GC: variants seen among roughly 807,000 people sequenced by gnomAD.
GC encodes the protein vitamin D-binding protein.
In GC, 43 loss-of-function variants were observed where a neutral mutation model predicts 56.7. The ratio of observed to expected loss-of-function variants is 0.76; its 90% confidence interval spans 0.59 to 0.98. The LOEUF (loss-of-function observed/expected upper bound fraction) is 0.98, where lower values mean the gene tolerates loss of function less well. GC is among the 50% of genes least tolerant of loss of function. The probability of loss-of-function intolerance (pLI) is 0.00; values close to 1 mark genes in which losing one functional copy is unlikely to be tolerated. For synonymous variants in GC, 216 were observed against 202.7 expected, an observed-to-expected ratio of 1.07 and a Z score of -0.56; for missense variants, 529 against 545.9, an observed-to-expected ratio of 0.97 and a Z score of 0.31.
chr4:71,791,796 C>T (rs1410808793), intron 1 of GC, among the ~76,000 whole-genome samples: 1 of 151,978 alleles, frequency 6.6e-6, no homozygotes, highest in African/African-American at 2.4e-5. Context: ...AGGTATTTCT[C>T]CTAATGCTAT....
chr4:71,743,471 C>A (rs780318499), intron 12 of GC, among the ~76,000 whole-genome samples: 12 of 152,162 alleles, frequency 7.9e-5, no homozygotes, highest in Admixed American at 2.0e-4. Flanking sequence ...AGCACTTACT[C>A]TGAAATCATT....
At chr4:71,802,331 A>G (rs912274653) in intron 1 of GC, among the ~76,000 whole-genome samples, 1 of 152,130 alleles carries the variant, frequency 6.6e-6, no homozygotes, top group African/African-American at 2.4e-5. Context: ...TTTACCTTCT[A>G]GGATTATGCA....
Position 71,746,710 on chromosome 4 carries a change from C to G in GC, c.1396-505G>C, listed in dbSNP as rs568038527. On this transcript the variant is annotated intron_variant, in intron 11 of 12. Coordinates refer to ENST00000273951, the MANE Select transcript of GC (RefSeq NM_000583.4). ...AGGAGAACCCAAGCAGGAGGCACAA[C>G]AAGTCATGATAGCAAGTCACTACTT... Among the ~76,000 whole-genome samples the G allele has an allele frequency of 1.9e-3, 228 of 117,422 alleles. 2 individuals are homozygous for G. The South Asian group carries it at 0.03, about 15-fold the overall frequency. 77.0% of individuals were successfully genotyped at this position (117,422 alleles called of 152,430 possible).
chr4:71,795,902 T>C (rs1184909831), intron 1 of GC, among the ~76,000 whole-genome samples: 1 of 152,216 alleles, frequency 6.6e-6, no homozygotes, highest in Non-Finnish European at 1.5e-5. Flanking sequence ...ATTTTATTTC[T>C]CCTTCATTTA....
chr4:71,779,847 G>T (rs577883712), intron 1 of GC, among the ~76,000 whole-genome samples: 1 of 151,768 alleles, frequency 6.6e-6, no homozygotes, highest in South Asian at 2.1e-4. Flanking sequence ...CAGCCCTTGC[G>T]TAGGGCTGTT....
At chr4:71,794,256 G>A (rs1332821200) in intron 1 of GC, among the ~76,000 whole-genome samples, 1 of 152,146 alleles carries the variant, frequency 6.6e-6, no homozygotes, top group Non-Finnish European at 1.5e-5. Context: ...TGTACCACTG[G>A]TAGAATTCGG....
At chr4:71,759,156 A>G (rs1258159399) in intron 6 of GC, among the ~76,000 whole-genome samples, 1 of 152,030 alleles carries the variant, frequency 6.6e-6, no homozygotes, top group Non-Finnish European at 1.5e-5. Flanking sequence ...CATTGTATGT[A>G]TATACCACAT....
At chr4:71,771,369 C>T (rs1219482256) in intron 1 of GC, among the ~76,000 whole-genome samples, 1 of 151,714 alleles carries the variant, frequency 6.6e-6, no homozygotes, top group South Asian at 2.1e-4. Flanking sequence ...TAGGACTCAT[C>T]AGATTAATGT....
chr4:71,741,777 G>A lies in GC; in HGVS notation c.*119C>T. The stretch of plus-strand genomic sequence containing the variant: ...TATGAAGATATTGTAGCTAGAAAAA[G>A]TAGAAAGTATCCTAGTTGTCTTCCC... On this transcript the variant is annotated 3_prime_UTR_variant, in exon 13 of 13. Coordinates refer to ENST00000273951, the MANE Select transcript of GC (RefSeq NM_000583.4). 4 of 697,756 alleles carry A rather than the reference G, an allele frequency of 5.7e-6. No individual in the cohort carries two copies. The South Asian group carries it at 6.1e-5, about 11-fold the overall frequency. 43.2% of individuals were successfully genotyped at this position (697,756 alleles called of 1,614,324 possible). A position where few individuals can be genotyped will look rare whatever the true frequency, so the allele number is the denominator to read the frequency against.
chr4:71,751,758 C>G (rs1399424474), intron 11 of GC, among the ~76,000 whole-genome samples: 4 of 151,914 alleles, frequency 2.6e-5, no homozygotes, highest in Non-Finnish European at 2.9e-5. Flanking sequence ...GGGAGGGAAA[C>G]TGGAAGATAT....
intron 1 of GC, among the ~76,000 whole-genome samples, chr4:71,782,716 C>A (rs1742723977): frequency 6.6e-6 from 1 of 151,792 alleles, no homozygotes; most frequent in African/African-American, 2.4e-5. Flanking sequence ...CAATTCCTAG[C>A]CATTATTGGA....
At chr4:71,792,814 A>G (rs1743004709) in intron 1 of GC, among the ~76,000 whole-genome samples, 1 of 152,172 alleles carries the variant, frequency 6.6e-6, no homozygotes, top group Non-Finnish European at 1.5e-5. Context: ...TAAGCCTTTA[A>G]TCCATCTTGA....
chr4:71,787,731 T>C (rs1235631000), upstream of GC, among the ~76,000 whole-genome samples: 1 of 151,794 alleles, frequency 6.6e-6, no homozygotes, highest in Non-Finnish European at 1.5e-5. Flanking sequence ...AGGCGTGAGA[T>C]GGTTTAAGAC....
chr4:71,742,792 G>A (rs1741225583), intron 12 of GC, among the ~76,000 whole-genome samples: 1 of 152,176 alleles, frequency 6.6e-6, no homozygotes, highest in Non-Finnish European at 1.5e-5. Context: ...GGCTAACATG[G>A]TGAAACCCCG....
At chr4:71,750,081 A>T (rs972707913) in intron 11 of GC, among the ~76,000 whole-genome samples, 2 of 152,220 alleles carry the variant, frequency 1.3e-5, no homozygotes, top group African/African-American at 2.4e-5. Flanking sequence ...TTACTAAAAT[A>T]TGGATATTAA....
chr4:71,754,427 T>G lies in GC; in HGVS notation c.1246A>C (p.Thr416Pro), dbSNP rs745959801. The change falls in exon 10 of 13, where the codon ACT becomes CCT. Residue 416 changes from threonine (T) to proline (P), a missense_variant. By Grantham distance (38) the Thr-to-Pro change is conservative. Coordinates refer to ENST00000273951, the MANE Select transcript of GC (RefSeq NM_000583.4). ...GTTTCTTACTTTTTCTTGTACTCAGTAAATGTATTTTCTGAATAATCTGCA... is the reference window on the plus strand; with the variant it reads ...GTTTCTTACTTTTTCTTGTACTCAGGAAATGTATTTTCTGAATAATCTGCA... ...LCADYSENTFTEYKKKLAERL... is the reference protein window; with the variant it reads ...LCADYSENTFPEYKKKLAERL... 2.6e-6 allele frequency: 4 copies of G among 1,520,924 alleles called. No individual in the cohort carries two copies. Among genetic ancestry groups the G allele is most frequent in the Non-Finnish European group, 2.7e-6 (3 of 1,097,810 alleles). The allele number at this position is 1,520,924 out of a possible 1,614,324, so 94.2% of individuals were successfully genotyped here. A position where few individuals can be genotyped will look rare whatever the true frequency, so the allele number is the denominator to read the frequency against.
chr4:71,789,132 T>G (rs1578320324), intron 1 of GC, among the ~76,000 whole-genome samples: 1 of 151,190 alleles, frequency 6.6e-6, no homozygotes, highest in Non-Finnish European at 1.5e-5. Flanking sequence ...CAGAAGGTGA[T>G]AAAGAGAAAA....
chr4:71,775,441 T>A (rs1742475537), intron 1 of GC, among the ~76,000 whole-genome samples: 1 of 151,976 alleles, frequency 6.6e-6, no homozygotes. Context: ...TGGTGGTGAT[T>A]CTGCCTCCCT....
intron 1 of GC, among the ~76,000 whole-genome samples, chr4:71,774,983 A>G (rs1271713500): frequency 1.3e-5 from 2 of 149,182 alleles, no homozygotes; most frequent in Non-Finnish European, 3.0e-5. Context: ...ATCTTTGACT[A>G]TCAGTCCTGG....
Sources: allele counts gnomAD v4.1 joint callset (sites outside exome capture counted in the v4.1 genomes callset), GRCh38; gene constraint gnomAD v4.1.1; transcripts MANE v1.5; gene names NCBI Gene and HGNC (gene_info 2026-07-23, HGNC 2026-07-21).